TMEM135: variants seen among roughly 807,000 people sequenced by gnomAD.
The protein encoded by TMEM135 is transmembrane protein 135, also known as peroxisomal membrane protein 52.
A neutral mutation model predicts 60.3 loss-of-function variants in TMEM135; 30 were observed. The ratio of observed to expected loss-of-function variants is 0.50; its 90% CI spans 0.37 to 0.68. TMEM135 has a LOEUF of 0.68. TMEM135 is among the 30% of genes least tolerant of loss of function. TMEM135 has a pLI of 0.00. For missense variants in TMEM135, 468 were observed against 548.8 expected (o/e 0.85, Z 1.47); for synonymous variants, 190 against 186.7 (o/e 1.02, Z -0.14).
chr11:87,081,246 T>C (rs759391333), intron 3 of TMEM135, among the ~76,000 whole-genome samples: 3 of 152,142 alleles, frequency 2.0e-5, no homozygotes, highest in Non-Finnish European at 4.4e-5. Context: ...ATTTTATTAT[T>C]TGTTTTCTGC....
intron 5 of TMEM135, among the ~76,000 whole-genome samples, chr11:87,171,649 AT>A (rs1055787655): frequency 4.7e-4 from 72 of 152,300 alleles, no homozygotes; most frequent in African/African-American, 1.7e-3. Context: ...AAATGAGCTG[AT>A]TAGATGATCT....
At chr11:87,043,995 C>T (rs1430573558) in intron 1 of TMEM135, among the ~76,000 whole-genome samples, 2 of 152,054 alleles carry the variant, frequency 1.3e-5, no homozygotes, top group African/African-American at 4.8e-5. Context: ...TTACCTTTAG[C>T]TGAGTCCAAA....
chr11:87,256,259 C>T (rs374689718), intron 6 of TMEM135, among the ~76,000 whole-genome samples: 1 of 152,022 alleles, frequency 6.6e-6, no homozygotes, highest in Admixed American at 6.5e-5. Flanking sequence ...TACCTTTATA[C>T]CTCAGTTTTA....
intron 4 of TMEM135, among the ~76,000 whole-genome samples, chr11:87,117,568 A>G (rs1857922212): frequency 6.6e-6 from 1 of 152,218 alleles, no homozygotes; most frequent in East Asian, 1.9e-4. Flanking sequence ...CTCATTCATA[A>G]GAAAAAAACA....
intron 5 of TMEM135, among the ~76,000 whole-genome samples, chr11:87,182,229 G>T (rs772953635): frequency 6.6e-6 from 1 of 151,944 alleles, no homozygotes; most frequent in Non-Finnish European, 1.5e-5. Flanking sequence ...TGTATATTGT[G>T]TGACCTACAT....
rs943179802 is a variant in TMEM135, at chr11:87,049,552, A to C, written c.141+11366A>C. On this transcript the variant is annotated intron_variant, in intron 1 of 14. Coordinates refer to ENST00000305494, the MANE Select transcript of TMEM135 (RefSeq NM_022918.4). Reference sequence around the variant, plus strand: ...TAAAACAGACTTTAAACCAACAAAGATCAAAAGAGACAAAGAAGGCCATTA... The same window carrying C: ...TAAAACAGACTTTAAACCAACAAAGCTCAAAAGAGACAAAGAAGGCCATTA... Among the ~76,000 whole-genome samples the C allele has an allele frequency of 3.1e-4, 39 of 126,924 alleles. 4 individuals carry two copies. The highest frequency in any genetic ancestry group is 2.9e-4 in the Non-Finnish European group (17 of 58,116). 83.3% of individuals were successfully genotyped at this position (126,924 alleles called of 152,430 possible).
intron 3 of TMEM135, among the ~76,000 whole-genome samples, chr11:87,074,178 C>G (rs1856826624): frequency 6.6e-6 from 1 of 152,136 alleles, no homozygotes; most frequent in African/African-American, 2.4e-5. Context: ...GTTGGCCAGG[C>G]TGGTCTCGAA....
At chr11:87,096,110 A>AT (rs373105918) in intron 4 of TMEM135, 11 of 165,896 alleles carry the variant, frequency 6.6e-5, no homozygotes, top group Middle Eastern at 1.4e-3. Flanking sequence ...CTCCTTCACC[A>AT]ATATAAAGAA....
At chr11:87,084,313 CTTTT>C (rs5793234) in intron 3 of TMEM135, among the ~76,000 whole-genome samples, 1 of 146,104 alleles carries the variant, frequency 6.8e-6, no homozygotes, top group South Asian at 2.2e-4. Context: ...AGCAGTGGTT[CTTTT>C]TTTTTTTTTG....
chr11:87,314,735 A>C (rs1268432236), intron 12 of TMEM135, among the ~76,000 whole-genome samples, 188 bp downstream of exon 12: 1 of 151,862 alleles, frequency 6.6e-6, no homozygotes, highest in African/African-American at 2.4e-5. Flanking sequence ...TAAGTATAGA[A>C]AGAGTAGTGT....
intron 12 of TMEM135, 106 bp downstream of exon 12, chr11:87,314,653 T>A: frequency 1.1e-6 from 1 of 922,612 alleles, no homozygotes; most frequent in Non-Finnish European, 1.7e-6. Context: ...TAAATTTTAA[T>A]CCTCTAAAAG....
chr11:87,242,805 C>G (rs1250399483), intron 6 of TMEM135, among the ~76,000 whole-genome samples: 7 of 146,044 alleles, frequency 4.8e-5, no homozygotes, highest in Non-Finnish European at 4.5e-5. Flanking sequence ...TGTAGGATGC[C>G]TGTTCACTCT....
chr11:87,110,220 A>G (rs191691580), intron 4 of TMEM135, among the ~76,000 whole-genome samples: 1 of 152,322 alleles, frequency 6.6e-6, no homozygotes, highest in East Asian at 1.9e-4. Context: ...GCAAAAGGAT[A>G]TAGATAGTTT....
chr11:87,253,091 C>T (rs1465938762), intron 6 of TMEM135, among the ~76,000 whole-genome samples: 1 of 144,878 alleles, frequency 6.9e-6, no homozygotes, highest in Non-Finnish European at 1.5e-5. Flanking sequence ...AGTCACATGA[C>T]TGTGATCTGA....
intron 4 of TMEM135, among the ~76,000 whole-genome samples, chr11:87,143,208 C>T (rs608870): frequency 0.37 from 55,810 of 151,630 alleles, 10,804 homozygotes; most frequent in East Asian, 0.67. Context: ...CTTATTTATC[C>T]ATCTATTAAA....
intron 6 of TMEM135, among the ~76,000 whole-genome samples, chr11:87,284,108 C>T (rs1942119320): frequency 7.5e-6 from 1 of 133,962 alleles, no homozygotes; most frequent in Non-Finnish European, 1.7e-5. Context: ...TTACATGAAA[C>T]ATTATTTGAT....
At chr11:87,316,474 T>C (rs1420919844) in intron 12 of TMEM135, among the ~76,000 whole-genome samples, 1 of 152,014 alleles carries the variant, frequency 6.6e-6, no homozygotes, top group Non-Finnish European at 1.5e-5. Flanking sequence ...CAGTATTTAA[T>C]TCACATTTTA....
In TMEM135 at chr11:87,321,402, G is replaced by C. The variant is rs1942817213; in HGVS notation, c.*69G>C. 3 of 1,558,732 alleles carry C rather than the reference G, an allele frequency of 1.9e-6. No homozygotes were observed. The highest frequency in any genetic ancestry group is 2.7e-5 in the African/African-American group (2 of 73,720). Reference sequence around the variant, plus strand: ...AGAGTTAATTATGTTGAACACAAAGGAGGGGGCCCAAGCTCGAACTTCAGT... The same window carrying C: ...AGAGTTAATTATGTTGAACACAAAGCAGGGGGCCCAAGCTCGAACTTCAGT... On this transcript the variant is annotated 3_prime_UTR_variant, in exon 15 of 15. Transcript: ENST00000305494.
chr11:87,043,379 T>C (rs1393171900), intron 1 of TMEM135, among the ~76,000 whole-genome samples: 1 of 152,120 alleles, frequency 6.6e-6, no homozygotes, highest in African/African-American at 2.4e-5. Context: ...TAGTTATTGC[T>C]ACATATTCTA....
Sources: gnomAD v4.1 joint callset for allele counts (sites outside exome capture counted in the v4.1 genomes callset) on GRCh38, gnomAD v4.1.1 for gene constraint, MANE v1.5 for transcripts, NCBI Gene and HGNC (gene_info 2026-07-23, HGNC 2026-07-21) for gene names.